FBXO32: variants seen among roughly 807,000 people sequenced by gnomAD.
FBXO32 encodes F-box protein 32.
Under a neutral mutation model 48.3 loss-of-function variants are expected in FBXO32, and 15 were observed. That is an observed-to-expected ratio of 0.31 (90% CI 0.21 to 0.48). The LOEUF (loss-of-function observed/expected upper bound fraction) is 0.48. Among genes scored for constraint, FBXO32 ranks in the 20% least tolerant of loss-of-function variants. The pLI, the probability that FBXO32 is intolerant of heterozygous loss-of-function variation, is 0.99. For missense variants in FBXO32, 309 were observed against 432.7 expected (o/e 0.71, Z 2.54); for synonymous variants, 154 against 165.9 (o/e 0.93, Z 0.55).
In FBXO32 at chr8:123,500,850, C is replaced by A. The variant is rs1816467094; in HGVS notation, c.*2523G>T. 6.6e-6 allele frequency: 1 copy of A among 152,324 alleles called. No individual in the cohort carries two copies. The highest frequency in any genetic ancestry group is 1.9e-4 in the East Asian group (1 of 5,190). The allele number at this position is 152,324 out of a possible 1,614,324, so 9.4% of individuals were successfully genotyped here. A position where few individuals can be genotyped will look rare whatever the true frequency, so the allele number is the denominator to read the frequency against. On this transcript the variant is annotated 3_prime_UTR_variant, in exon 9 of 9. Coordinates refer to ENST00000517956, the MANE Select transcript of FBXO32 (RefSeq NM_058229.4). ...AAAATTTCCTTGAGTCTGTCATACA[C>A]CAGCTCCAATAACACCAAAGGACAC...
rs888563066 is a variant in FBXO32, at chr8:123,499,812, G to C, written c.*3561C>G. 5.9e-5 allele frequency: 9 copies of C among 152,170 alleles called. No individual in the cohort carries two copies. The highest frequency in any genetic ancestry group is 2.6e-4 in the Admixed American group (4 of 15,280). 9.4% of individuals were successfully genotyped at this position (152,170 alleles called of 1,614,324 possible). A position where few individuals can be genotyped will look rare whatever the true frequency, so the allele number is the denominator to read the frequency against. ...GCTGTTAGTAGCAAGCTCCTCATGGGAAAGGGTATGTGAATCCACAAAGAC... is the reference window on the plus strand; with the variant it reads ...GCTGTTAGTAGCAAGCTCCTCATGGCAAAGGGTATGTGAATCCACAAAGAC... On this transcript the variant is annotated 3_prime_UTR_variant, in exon 9 of 9. Transcript: ENST00000517956.
chr8:123,514,230 G>A lies in FBXO32; in HGVS notation c.466+10C>T, dbSNP rs1246688986. 3 of 1,607,570 alleles carry A rather than the reference G, an allele frequency of 1.9e-6. No individual in the cohort carries two copies. In the South Asian group the frequency reaches 3.3e-5, roughly 18 times the overall value. On this transcript the variant is annotated intron_variant, in intron 5 of 8. Coordinates refer to ENST00000517956, the MANE Select transcript of FBXO32 (RefSeq NM_058229.4). ...TATAAAAAGGGGCGAGAGAGTGAGA[G>A]AAGGCTCACCTTTCAGTACCACTTT...
chr8:123,522,730 A>G (rs980768093), intron 4 of FBXO32, among the ~76,000 whole-genome samples: 1 of 152,032 alleles, frequency 6.6e-6, no homozygotes, highest in Admixed American at 6.5e-5. Flanking sequence ...TTCTGCTTAC[A>G]TTGCTTGTCC....
chr8:123,502,661 G>A lies in FBXO32; in HGVS notation c.*712C>T, dbSNP rs1311792874. 3 of 152,228 alleles carry A rather than the reference G, an allele frequency of 2.0e-5. No homozygotes were observed. 9.4% of individuals were successfully genotyped at this position (152,228 alleles called of 1,614,324 possible). Reference sequence around the variant, plus strand: ...ACTCTAAGGAGGGCCCTGTTTGCCTGAAAAGGAAGTGTGAAACCAGAGGAT... The same window carrying A: ...ACTCTAAGGAGGGCCCTGTTTGCCTAAAAAGGAAGTGTGAAACCAGAGGAT... On this transcript the variant is annotated 3_prime_UTR_variant, in exon 9 of 9. Coordinates refer to ENST00000517956, the MANE Select transcript of FBXO32 (RefSeq NM_058229.4).
At chr8:123,517,083 C>T (rs1318262960) in intron 4 of FBXO32, among the ~76,000 whole-genome samples, 1 of 152,158 alleles carries the variant, frequency 6.6e-6, no homozygotes, top group East Asian at 1.9e-4. Flanking sequence ...ACATGACCAA[C>T]ATGAAGCAGA....
rs1426448998 is a variant in FBXO32 at position 123,534,703 on chromosome 8, C to T, written c.228G>A (p.Gln76=). Residue 76 remains glutamine, a splice_region_variant and synonymous_variant, in exon 2 of 9, where the codon CAG becomes CAA. Coordinates refer to ENST00000517956, the MANE Select transcript of FBXO32 (RefSeq NM_058229.4). The part of the protein sequence containing the change: ...KDMLNSKTKT[Q]YFHQEKWIYV... Reference sequence around the variant, plus strand: ...TGAAGTTCAAAACAAATGGCTTACACTGAGTTTTGGTTTTGCTATTCAGCA... The same window carrying T: ...TGAAGTTCAAAACAAATGGCTTACATTGAGTTTTGGTTTTGCTATTCAGCA... 2 of 1,604,134 alleles carry T rather than the reference C, an allele frequency of 1.2e-6. No individual in the cohort carries two copies. Among genetic ancestry groups the T allele is most frequent in the African/African-American group, 2.7e-5 (2 of 74,686 alleles).
At chr8:123,507,529 A>G (rs1816654877) in intron 6 of FBXO32, among the ~76,000 whole-genome samples, 1 of 150,654 alleles carries the variant, frequency 6.6e-6, no homozygotes, top group African/African-American at 2.4e-5. Context: ...CCCAAGCTCC[A>G]CCATCCCTTG....
At chr8:123,505,664 A>G (rs1816601971) in intron 7 of FBXO32, among the ~76,000 whole-genome samples, 1 of 152,180 alleles carries the variant, frequency 6.6e-6, no homozygotes, top group South Asian at 2.1e-4. Context: ...TGAACCAGGG[A>G]GGCAGAGGTT....
intron 4 of FBXO32, among the ~76,000 whole-genome samples, chr8:123,515,382 T>A (rs897661544): frequency 6.6e-6 from 1 of 151,840 alleles, no homozygotes; most frequent in African/African-American, 2.4e-5. Flanking sequence ...ATTACAGGCA[T>A]GTGCCACTAC....
Position 123,498,651 on chromosome 8 carries a change from A to C in FBXO32, c.*4722T>G, listed in dbSNP as rs1404320895. ...GGAGGAAATGGAGAAGATGGATTAAATGTACCTCTGAGTCTAGGGGAGAGG... is the reference window on the plus strand; with the variant it reads ...GGAGGAAATGGAGAAGATGGATTAACTGTACCTCTGAGTCTAGGGGAGAGG... On this transcript the variant is annotated 3_prime_UTR_variant, in exon 9 of 9. Coordinates refer to ENST00000517956, the MANE Select transcript of FBXO32 (RefSeq NM_058229.4). The C allele has an allele frequency of 6.6e-6, 1 of 152,204 alleles. No homozygotes were observed. The highest frequency in any genetic ancestry group is 1.5e-5 in the Non-Finnish European group (1 of 68,050). The allele number at this position is 152,204 out of a possible 1,614,324, so 9.4% of individuals were successfully genotyped here.
chr8:123,518,111 G>A (rs935857053), intron 4 of FBXO32, among the ~76,000 whole-genome samples: 9 of 152,306 alleles, frequency 5.9e-5, no homozygotes, highest in African/African-American at 1.7e-4. Flanking sequence ...TTTGGCACCT[G>A]GGCTATGTCA....
At position 123,532,004 on chromosome 8, in the gene FBXO32, C is replaced by G. The variant is rs530352473; in HGVS notation, c.280-14G>C. The G allele has an allele frequency of 1.5e-4, 243 of 1,613,796 alleles. 4 individuals are homozygous for G. The South Asian group carries it at 2.5e-3, about 17-fold the overall frequency. ...ATATCCATGGCGCTGAACATGAAAA[C>G]AAAGGCACAGAAGTTACTCCTGCCA... is the stretch of plus-strand genomic sequence containing the variant. On this transcript the variant is annotated splice_polypyrimidine_tract_variant and intron_variant, in intron 3 of 8. Coordinates refer to ENST00000517956, the MANE Select transcript of FBXO32 (RefSeq NM_058229.4).
intron 4 of FBXO32, among the ~76,000 whole-genome samples, chr8:123,522,326 A>T (rs967029290): frequency 1.3e-5 from 2 of 150,000 alleles, no homozygotes; most frequent in African/African-American, 4.9e-5. Context: ...CTCCTGCCTC[A>T]GCCTTCTGAG....
intron 1 of FBXO32, among the ~76,000 whole-genome samples, chr8:123,539,151 C>T (rs1438026880): frequency 2.0e-5 from 3 of 152,132 alleles, no homozygotes; most frequent in Non-Finnish European, 4.4e-5. Context: ...AGTATTAATA[C>T]GACCCTACAT....
intron 6 of FBXO32, among the ~76,000 whole-genome samples, chr8:123,511,486 T>G (rs377666858): frequency 1.5e-4 from 22 of 151,630 alleles, no homozygotes; most frequent in African/African-American, 3.9e-4. Flanking sequence ...TTTTGTTTTT[T>G]TTTTTTTTCC....
At chr8:123,532,978 A>G (rs1452797629) in intron 3 of FBXO32, among the ~76,000 whole-genome samples, 4 of 152,214 alleles carry the variant, frequency 2.6e-5, no homozygotes, top group Non-Finnish European at 5.9e-5. Flanking sequence ...AATCTCATTG[A>G]ACGACTAGAG....
chr8:123,504,678 G>T lies in FBXO32; in HGVS notation c.904C>A (p.Arg302=). 6.2e-7 allele frequency: 1 copy of T among 1,613,900 alleles called. No individual in the cohort carries two copies. The highest frequency in any genetic ancestry group is 8.5e-7 in the Non-Finnish European group (1 of 1,179,904). ...DWKKMYFKLV[R]CYPRKEQYGD... ...TACTGCTCTTTCCTTGGGTAACATC[G>T]GACAAGTTTGAAATACATCTTCTTC... is the stretch of plus-strand genomic sequence containing the variant. The change falls in exon 8 of 9, where the codon CGA becomes AGA. Residue 302 remains arginine (R), a synonymous_variant. Coordinates refer to ENST00000517956, the MANE Select transcript of FBXO32 (RefSeq NM_058229.4).
intron 3 of FBXO32, 80 bp from the exon 4 acceptor site, chr8:123,532,070 C>G (rs1817221551): frequency 6.3e-7 from 1 of 1,584,740 alleles, no homozygotes; most frequent in African/African-American, 1.4e-5. Context: ...GTTAGAACAA[C>G]CCAACTGGAT....
chr8:123,504,611 G>A lies in FBXO32; in HGVS notation c.971C>T (p.Ser324Phe), dbSNP rs934220892. Residue 324 changes from serine to phenylalanine, a missense_variant, in exon 8 of 9, where the codon TCC (serine) becomes TTC (phenylalanine). Ser to Phe is a radical substitution (Grantham distance 155). Coordinates refer to ENST00000517956, the MANE Select transcript of FBXO32 (RefSeq NM_058229.4). ...CACCTCTGAGACACATACCTTCCAGGAAAGGATGTGACAGTGTTTGCAGAG... is the reference window on the plus strand; with the variant it reads ...CACCTCTGAGACACATACCTTCCAGAAAAGGATGTGACAGTGTTTGCAGAG... Reference protein sequence around the residue: ...LQLCKHCHILSWKGTDHPCTA... With the variant: ...LQLCKHCHILFWKGTDHPCTA... 3.7e-6 allele frequency: 6 copies of A among 1,612,596 alleles called. No homozygotes were observed. The highest frequency in any genetic ancestry group is 2.7e-5 in the African/African-American group (2 of 74,782).
Sources: gnomAD v4.1 joint callset for allele counts (sites outside exome capture counted in the v4.1 genomes callset) on GRCh38, gnomAD v4.1.1 for gene constraint, MANE v1.5 for transcripts, NCBI Gene and HGNC (gene_info 2026-07-23, HGNC 2026-07-21) for gene names.